RNF41: variants seen among roughly 807,000 people sequenced by gnomAD.
RNF41 encodes E3 ubiquitin-protein ligase NRDP1.
RNF41 carries 4 observed loss-of-function variants against 33.0 expected under a neutral mutation model. The observed-to-expected ratio is 0.12, with a 90% CI of 0.06 to 0.28. The LOEUF (loss-of-function observed/expected upper bound fraction) is 0.28, where lower values mean the gene tolerates loss of function less well. RNF41 is among the 10% of genes least tolerant of loss of function. RNF41 has a pLI of 1.00. For missense variants in RNF41, 228 were observed against 432.6 expected, an observed-to-expected ratio of 0.53 and a Z score of 4.19; for synonymous variants, 164 against 153.2, an observed-to-expected ratio of 1.07 and a Z score of -0.52.
intron 3 of RNF41, chr12:56,213,263 C>A (rs191393676): frequency 1.3e-4 from 74 of 550,248 alleles, no homozygotes; most frequent in Non-Finnish European, 4.2e-5. Flanking sequence ...TGCAGTGGCA[C>A]AATCTCGGCT....
chr12:56,214,566 C>A (rs966495231), intron 2 of RNF41, among the ~76,000 whole-genome samples: 1 of 150,322 alleles, frequency 6.7e-6, no homozygotes, highest in Non-Finnish European at 1.5e-5. Context: ...CAGTGGCTCA[C>A]GCCTGTAATC....
intron 1 of RNF41, among the ~76,000 whole-genome samples, chr12:56,219,356 TA>T (rs1246429685): frequency 6.6e-6 from 1 of 151,542 alleles, no homozygotes; most frequent in Non-Finnish European, 1.5e-5. Flanking sequence ...GACGCCCAGC[TA>T]ATTTTTTTTT....
intron 2 of RNF41, among the ~76,000 whole-genome samples, chr12:56,216,084 T>G (rs1868868625): frequency 6.6e-6 from 1 of 151,046 alleles, no homozygotes; most frequent in South Asian, 2.1e-4. Context: ...ATCATGCCAC[T>G]GCACTCCAGC....
At chr12:56,213,205 G>GTTTT in intron 3 of RNF41, 5 of 844,666 alleles carry the variant, frequency 5.9e-6, no homozygotes, top group Non-Finnish European at 7.8e-6. Flanking sequence ...ATTTGTTTTT[G>GTTTT]TTTTTTTTTT....
At chr12:56,211,672 A>C (rs1868489591) in intron 3 of RNF41, among the ~76,000 whole-genome samples, 1 of 152,094 alleles carries the variant, frequency 6.6e-6, no homozygotes. Context: ...ACTGGCAAAA[A>C]TTCAATGTAA....
Position 56,206,668 on chromosome 12 carries a change from C to T in RNF41, c.733G>A (p.Glu245Lys), listed in dbSNP as rs753102644. Residue 245 changes from glutamate (E) to lysine (K), a missense_variant, in exon 7 of 7, where the codon GAG becomes AAG. Glu to Lys is a moderately conservative substitution (Grantham distance 56, BLOSUM62 1). This residue lies in a region of RNF41 where 199 missense variants were observed against 334.6 expected (regional missense o/e 0.59). Transcript: ENST00000345093. This position sits in a 1 kb window ranked among gnomAD's most constrained non-coding sequence, Gnocchi z 5.7. ...ESGCPASIVN[E>K]LIENAHERSW... ...CGCTCGTGGGCATTTTCAATCAGCT[C>T]GTTGACAATAGAAGCAGGACAGCCA... 1.1e-5 allele frequency: 17 copies of T among 1,613,974 alleles called. 1 individual carries two copies. The highest frequency in any genetic ancestry group is 1.6e-4 in the Middle Eastern group (1 of 6,084).
chr12:56,211,550 G>A (rs1868477609), intron 3 of RNF41, among the ~76,000 whole-genome samples: 1 of 152,060 alleles, frequency 6.6e-6, no homozygotes, highest in South Asian at 2.1e-4. Context: ...AGGAGGGTGA[G>A]GTCTTTTCAG....
At chr12:56,210,976 G>A (rs530134033) in intron 3 of RNF41, among the ~76,000 whole-genome samples, 1 of 152,288 alleles carries the variant, frequency 6.6e-6, no homozygotes, top group Admixed American at 6.5e-5. Flanking sequence ...CATGAGGTCA[G>A]GAGTTCAAGA....
At chr12:56,220,169 G>A (rs1869255602) in intron 1 of RNF41, among the ~76,000 whole-genome samples, 1 of 152,054 alleles carries the variant, frequency 6.6e-6, no homozygotes, top group Non-Finnish European at 1.5e-5. Context: ...ACTTTGGGAA[G>A]CCGAGATGGA....
At chr12:56,219,189 T>G in intron 1 of RNF41, among the ~76,000 whole-genome samples, 1 of 149,804 alleles carries the variant, frequency 6.7e-6, no homozygotes, top group Middle Eastern at 3.4e-3. Flanking sequence ...TTTTATTTAT[T>G]TATTTATTTA....
At chr12:56,208,448 C>T (rs1868318695) in intron 4 of RNF41, 150 bp from the exon 5 acceptor site, 1 of 698,552 alleles carries the variant, frequency 1.4e-6, no homozygotes, top group Non-Finnish European at 2.3e-6. Context: ...TGTTTATTCC[C>T]TTCACTTTCT....
At chr12:56,219,105 A>G (rs1287648691) in intron 1 of RNF41, among the ~76,000 whole-genome samples, 1 of 151,502 alleles carries the variant, frequency 6.6e-6, no homozygotes, top group Non-Finnish European at 1.5e-5. Context: ...TCCCAGGTTC[A>G]AACAATTCTC....
intron 2 of RNF41, among the ~76,000 whole-genome samples, chr12:56,215,381 G>A (rs1868797486): frequency 6.6e-6 from 1 of 152,132 alleles, no homozygotes; most frequent in Admixed American, 6.6e-5. Flanking sequence ...TCAGGAGAGT[G>A]ACGGTAAGAG....
chr12:56,218,556 T>C lies in RNF41; in HGVS notation c.-208-1943A>G, dbSNP rs550695005. Among the ~76,000 whole-genome samples, 210 of 135,722 alleles carry C rather than the reference T, an allele frequency of 1.5e-3. 1 individual carries two copies. The highest frequency in any genetic ancestry group is 2.9e-3 in the Non-Finnish European group (179 of 61,084). 89.0% of individuals were successfully genotyped at this position (135,722 alleles called of 152,430 possible). A position where few individuals can be genotyped will look rare whatever the true frequency, so the allele number is the denominator to read the frequency against. On this transcript the variant is annotated intron_variant, in intron 1 of 6. Coordinates refer to ENST00000345093, the MANE Select transcript of RNF41 (RefSeq NM_005785.4). Reference sequence around the variant, plus strand: ...TGCTGGGATTACAGGCACCAGCCACTGCGCCCACCCCCAAATCTACACATT... The same window carrying C: ...TGCTGGGATTACAGGCACCAGCCACCGCGCCCACCCCCAAATCTACACATT...
intron 6 of RNF41, chr12:56,207,273 C>T (rs1868287495): frequency 7.5e-7 from 1 of 1,335,496 alleles, no homozygotes; most frequent in Non-Finnish European, 9.8e-7. Context: ...CTTTCCTGGA[C>T]TTGCACTCTG....
intron 4 of RNF41, 105 bp from the exon 5 acceptor site, chr12:56,208,403 C>T (rs1020330262): frequency 8.0e-7 from 1 of 1,249,688 alleles, no homozygotes; most frequent in Non-Finnish European, 1.1e-6. Context: ...TTTGTCCTAC[C>T]CAAAATTTCT....
At chr12:56,207,605 G>A (rs1210278641) in intron 6 of RNF41, 41 bp downstream of exon 6, 19 of 1,431,496 alleles carry the variant, frequency 1.3e-5, no homozygotes, top group Non-Finnish European at 1.7e-5. Context: ...AGGCCTTGTT[G>A]TCAGGACATG....
intron 3 of RNF41, among the ~76,000 whole-genome samples, chr12:56,211,036 T>C (rs1868438822): frequency 6.6e-6 from 1 of 152,036 alleles, no homozygotes; most frequent in African/African-American, 2.4e-5. Context: ...AATAAAAAAA[T>C]TAGCCAGGGG....
chr12:56,214,211 T>C, intron 2 of RNF41, 141 bp from the exon 3 acceptor site: 1 of 614,440 alleles, frequency 1.6e-6, no homozygotes, highest in Admixed American at 2.8e-5. Context: ...TTTGGCTCGG[T>C]GGAAGCTGAC....
Sources: allele counts gnomAD v4.1 joint callset (sites outside exome capture counted in the v4.1 genomes callset), GRCh38; gene constraint gnomAD v4.1.1; regional missense constraint gnomAD v4.1.1; non-coding constraint Gnocchi (gnomAD v3.1); transcripts MANE v1.5; gene names NCBI Gene and HGNC (gene_info 2026-07-23, HGNC 2026-07-21).